The following TASOR2 variants were observed in gnomAD, a reference collection of about 807,000 sequenced individuals.
The protein encoded by TASOR2 is protein TASOR 2.
A neutral mutation model predicts 199.5 loss-of-function variants in TASOR2; 84 were observed. The observed-to-expected ratio is 0.42, with a 90% CI of 0.35 to 0.50. The LOEUF (loss-of-function observed/expected upper bound fraction) is 0.50. Among genes scored for constraint, TASOR2 ranks in the 20% least tolerant of loss-of-function variants. The probability of loss-of-function intolerance (pLI) is 0.02; values close to 1 mark genes in which losing one functional copy is unlikely to be tolerated. For missense variants in TASOR2, 2,796 were observed against 2,835.9 expected (o/e 0.99, Z 0.32); for synonymous variants, 1,103 against 1,046.6 (o/e 1.05, Z -1.04).
In TASOR2 at chr10:5,761,712, A is replaced by G. The variant is rs115471267; in HGVS notation, c.7174+241A>G. ...GATTACTTATAATACTCAATACAGTATAAGTAGTTATACCGTATTATTTTT... is the reference window on the plus strand; with the variant it reads ...GATTACTTATAATACTCAATACAGTGTAAGTAGTTATACCGTATTATTTTT... On this transcript the variant is annotated intron_variant, in intron 19 of 20. Transcript: ENST00000328090. 1,276 of 450,460 alleles carry G rather than the reference A, an allele frequency of 2.8e-3. 19 individuals carry two copies. Among genetic ancestry groups the G allele is most frequent in the African/African-American group, 0.023 (1,165 of 50,212 alleles). 27.9% of individuals were successfully genotyped at this position (450,460 alleles called of 1,614,324 possible). A position where few individuals can be genotyped will look rare whatever the true frequency, so the allele number is the denominator to read the frequency against.
chr10:5,716,042 A>G (rs1055879593), intron 2 of TASOR2, among the ~76,000 whole-genome samples: 2 of 152,232 alleles, frequency 1.3e-5, no homozygotes, highest in Admixed American at 6.5e-5. Flanking sequence ...TATTGCCCCT[A>G]GGCTACAAAC....
At chr10:5,747,038 T>G in exon 15 of TASOR2, 1 of 1,614,148 alleles carries the variant, frequency 6.2e-7, no homozygotes, top group Non-Finnish European at 8.5e-7. Context: ...CAGGTTGAAG[T>G]GGACTCATCA....
rs1209594128 is a variant in TASOR2 at position 5,751,254 on chromosome 10, A to G, written c.6606+1227A>G. 6.6e-6 allele frequency among the ~76,000 whole-genome samples: 1 copy of G among 152,200 alleles called. No individual in the cohort carries two copies. The highest frequency in any genetic ancestry group is 1.9e-4 in the East Asian group (1 of 5,202). ...TGTGTAAAATCCTATTCCTTATCAG[A>G]CTTTTATCCACTAGATTTAACATCG... is the stretch of plus-strand genomic sequence containing the variant. On this transcript the variant is annotated intron_variant, in intron 15 of 20. Coordinates refer to ENST00000328090, the Ensembl canonical transcript of TASOR2. The surrounding 1 kb of genome is among the most constrained non-coding windows in gnomAD (Gnocchi z 5.3).
At chr10:5,723,852 C>A in intron 7 of TASOR2, 75 bp downstream of exon 8, 3 of 795,256 alleles carry the variant, frequency 3.8e-6, no homozygotes, top group African/African-American at 1.8e-5. Flanking sequence ...TCCAAACACT[C>A]ACACATGCAC....
intron 3 of TASOR2, among the ~76,000 whole-genome samples, chr10:5,718,392 TAAA>T (rs59475949): frequency 3.6e-5 from 5 of 137,514 alleles, no homozygotes; most frequent in Non-Finnish European, 4.6e-5. Context: ...GACCTTTAAT[TAAA>T]AAAAAAAAAA....
chr10:5,730,075 G>A lies in TASOR2; in HGVS notation c.488-412G>A, dbSNP rs1834598885. Among the ~76,000 whole-genome samples, 3 of 152,174 alleles carry A rather than the reference G, an allele frequency of 2.0e-5. No homozygotes were observed. The South Asian group carries it at 6.2e-4, about 32-fold the overall frequency. ...AAGAATTTGAAGTGAGTTCAGTAAG[G>A]TACAGCTACAGTAAAATAAATTTTA... On this transcript the variant is annotated intron_variant, in intron 10 of 20. Transcript: ENST00000328090. This position sits in a 1 kb window ranked among gnomAD's most constrained non-coding sequence, Gnocchi z 4.1.
Position 5,698,484 on chromosome 10 carries a change from G to A in TASOR2, c.-288+13309G>A, listed in dbSNP as rs187681532. Reference sequence around the variant, plus strand: ...AGAAAAACCACAATTTTCTACAGACGATATTTTTCAAAACAATATTAGCAG... The same window carrying A: ...AGAAAAACCACAATTTTCTACAGACAATATTTTTCAAAACAATATTAGCAG... On this transcript the variant is annotated intron_variant, in intron 1 of 20. Transcript: ENST00000328090. This position sits in a 1 kb window ranked among gnomAD's most constrained non-coding sequence, Gnocchi z 4.4. Among the ~76,000 whole-genome samples, 17 of 152,260 alleles carry A rather than the reference G, an allele frequency of 1.1e-4. No homozygotes were observed. In the East Asian group the frequency reaches 2.3e-3, roughly 21 times the overall value.
chr10:5,693,059 T>C (rs1836666419), intron 1 of TASOR2: 1 of 152,352 alleles, frequency 6.6e-6, no homozygotes, highest in African/African-American at 2.4e-5. Flanking sequence ...ATGGGCCTAT[T>C]CTGTCTAGTA....
chr10:5,758,854 T>A, intron 17 of TASOR2, 33 bp from the exon 19 acceptor site: 1 of 1,519,468 alleles, frequency 6.6e-7, no homozygotes, highest in Non-Finnish European at 9.1e-7. Flanking sequence ...CTTAAACTTG[T>A]CATCTTCTTT....
rs1832995631 is a variant in TASOR2 at position 5,718,832 on chromosome 10, A to T, written c.-100+1082A>T. 2.6e-5 allele frequency among the ~76,000 whole-genome samples: 4 copies of T among 151,670 alleles called. No homozygotes were observed. The South Asian group carries it at 8.3e-4, about 32-fold the overall frequency. ...TACAATCACTAGTTTTCCTCCCTTA[A>T]TCTTTCTTTTCTTGCTCTGCGATGA... On this transcript the variant is annotated intron_variant, in intron 3 of 20. Coordinates refer to ENST00000328090, the Ensembl canonical transcript of TASOR2.
intron 8 of TASOR2, 99 bp downstream of exon 9, chr10:5,724,632 T>TATATATAG (rs1554764631): frequency 2.5e-4 from 44 of 178,920 alleles, no homozygotes; most frequent in African/African-American, 9.7e-4. Context: ...TATATATATA[T>TATATATAG]ATAGATAGAT....
intron 11 of TASOR2, among the ~76,000 whole-genome samples, chr10:5,732,161 T>C (rs1395423813): frequency 6.6e-6 from 1 of 152,262 alleles, no homozygotes; most frequent in Non-Finnish European, 1.5e-5. Context: ...GGCAAATGTA[T>C]TTCAGTGAAC....
chr10:5,735,392 G>A (rs1473484390), exon 12 of TASOR2: 1 of 1,614,074 alleles, frequency 6.2e-7, no homozygotes, highest in Non-Finnish European at 8.5e-7. Context: ...ATGTTCCAGT[G>A]CCAACAAATG....
chr10:5,744,724 C>T (rs1242146718), intron 14 of TASOR2, among the ~76,000 whole-genome samples: 3 of 151,772 alleles, frequency 2.0e-5, no homozygotes, highest in East Asian at 1.9e-4. Flanking sequence ...CTCCGCCTCC[C>T]GGGTTCAAGT....
chr10:5,690,553 A>G lies in TASOR2; in HGVS notation c.-288+5378A>G, dbSNP rs927782377. Among the ~76,000 whole-genome samples the G allele has an allele frequency of 3.9e-5, 6 of 152,026 alleles. No individual in the cohort carries two copies. Among genetic ancestry groups the G allele is most frequent in the Non-Finnish European group, 7.4e-5 (5 of 68,014 alleles). ...TGGGCTACGTGTAGAGGTGGTGGCC[A>G]TACATAGTTATCTTTATTCTGGCAT... On this transcript the variant is annotated intron_variant, in intron 1 of 20. Coordinates refer to ENST00000328090, the Ensembl canonical transcript of TASOR2. The surrounding 1 kb of genome is among the most constrained non-coding windows in gnomAD (Gnocchi z 4.8).
chr10:5,749,449 C>T lies in TASOR2; in HGVS notation c.6028C>T (p.Pro2010Ser), dbSNP rs1297806613. ...TGCCAATGTCTTTCCAAAGGAGTCA[C>T]CAACCCAGATCTCCATTGGTGCTTT... The change falls in exon 15 of 21, where the codon CCA (proline) becomes TCA (serine). Residue 2010 changes from proline to serine, a missense_variant. Physicochemically the swap from Pro to Ser is moderately conservative, Grantham distance 74. Transcript: ENST00000328090. 1.9e-6 allele frequency: 3 copies of T among 1,614,062 alleles called. No homozygotes were observed. The African/African-American group carries it at 4.0e-5, about 22-fold the overall frequency.
chr10:5,736,956 G>C (rs551723504), intron 12 of TASOR2, among the ~76,000 whole-genome samples: 37 of 152,102 alleles, frequency 2.4e-4, no homozygotes, highest in African/African-American at 8.7e-4. Flanking sequence ...AAATTGGATT[G>C]TTGTTTTGTT....
chr10:5,757,448 A>G, intron 16 of TASOR2, 72 bp from the exon 18 acceptor site: 1 of 1,435,262 alleles, frequency 7.0e-7, no homozygotes, highest in South Asian at 1.4e-5. Context: ...CTTGGATAGA[A>G]AAGCAAGGGA....
In TASOR2 at chr10:5,717,651, T is replaced by A. The variant is rs1832823749; in HGVS notation, c.-191-8T>A. The A allele has an allele frequency of 1.4e-5, 16 of 1,173,890 alleles. No individual in the cohort carries two copies. Among genetic ancestry groups the A allele is most frequent in the Non-Finnish European group, 1.7e-5 (16 of 935,052 alleles). 72.7% of individuals were successfully genotyped at this position (1,173,890 alleles called of 1,614,324 possible). On this transcript the variant is annotated splice_polypyrimidine_tract_variant and splice_region_variant and intron_variant, in intron 2 of 20. Transcript: ENST00000328090. ...CTGCTGCTTAATCTATATTTTATAC[T>A]TTTACAGGTGTATACATTTCCAAAT...
Sources: allele counts gnomAD v4.1 joint callset (sites outside exome capture counted in the v4.1 genomes callset), GRCh38; gene constraint gnomAD v4.1.1; non-coding constraint Gnocchi (gnomAD v3.1); transcripts MANE v1.5; gene names NCBI Gene and HGNC (gene_info 2026-07-23, HGNC 2026-07-21).